NECAB1: variants seen among roughly 807,000 people sequenced by gnomAD.
NECAB1 encodes N-terminal EF-hand calcium-binding protein 1.
In NECAB1, 29 loss-of-function variants were observed where a neutral mutation model predicts 57.5. The observed-to-expected ratio is 0.50, with a 90% CI of 0.38 to 0.69. The LOEUF (loss-of-function observed/expected upper bound fraction) is 0.69, where lower values mean the gene tolerates loss of function less well. NECAB1 is among the 30% of genes least tolerant of loss of function. NECAB1 has a pLI of 0.00. For synonymous variants in NECAB1, 142 were observed against 147.7 expected, an observed-to-expected ratio of 0.96 and a Z score of 0.28; for missense variants, 372 against 413.8, an observed-to-expected ratio of 0.90 and a Z score of 0.88.
rs575665901 is a variant in NECAB1 at position 90,945,302 on chromosome 8, G to A, written c.860+4404G>A. On this transcript the variant is annotated intron_variant, in intron 10 of 12. Coordinates refer to ENST00000417640, the MANE Select transcript of NECAB1 (RefSeq NM_022351.5). ...AGGCTGGTCGCGAACCTCCGACTTC[G>A]TGATCCGCCCGCCTCAGTCTCCCAA... is the stretch of plus-strand genomic sequence containing the variant. Among the ~76,000 whole-genome samples the A allele has an allele frequency of 8.5e-5, 13 of 152,178 alleles. No individual in the cohort carries two copies. The South Asian group carries it at 1.4e-3, about 17-fold the overall frequency.
At chr8:90,947,351 C>CACAA (rs1342952213) in intron 10 of NECAB1, among the ~76,000 whole-genome samples, 2 of 125,246 alleles carry the variant, frequency 1.6e-5, no homozygotes, top group Admixed American at 8.4e-5. Context: ...CACACACACA[C>CACAA]AATAAGCCAA....
At chr8:90,940,304 T>C (rs1256642798) in intron 9 of NECAB1, 1 of 153,114 alleles carries the variant, frequency 6.5e-6, no homozygotes, top group Non-Finnish European at 1.5e-5. Context: ...TTGTTTGTAA[T>C]GATTGTCACT....
intron 10 of NECAB1, among the ~76,000 whole-genome samples, chr8:90,947,417 TTC>T: frequency 6.6e-6 from 1 of 151,072 alleles, no homozygotes; most frequent in Non-Finnish European, 1.5e-5. Context: ...TTTTTTTTTT[TTC>T]AGAAAGAATC....
chr8:90,856,643 T>G (rs191493256), intron 3 of NECAB1, among the ~76,000 whole-genome samples: 3 of 152,326 alleles, frequency 2.0e-5, no homozygotes, highest in Admixed American at 2.0e-4. Flanking sequence ...CGTGTTTTGG[T>G]CTGATCAATG....
rs1251447191 is a variant in NECAB1 at position 90,943,460 on chromosome 8, A to G, written c.860+2562A>G. ...TACACCCATATGGAATATATATGGTATAGATGTTATGCCAGTGTGTCTGTC... is the reference window on the plus strand; with the variant it reads ...TACACCCATATGGAATATATATGGTGTAGATGTTATGCCAGTGTGTCTGTC... On this transcript the variant is annotated intron_variant, in intron 10 of 12. Coordinates refer to ENST00000417640, the MANE Select transcript of NECAB1 (RefSeq NM_022351.5). 3.9e-5 allele frequency among the ~76,000 whole-genome samples: 6 copies of G among 152,334 alleles called. No homozygotes were observed. The Middle Eastern group carries it at 0.01, about 259-fold the overall frequency.
rs1002583 is a variant in NECAB1 at position 90,928,218 on chromosome 8, C to T, written c.617-5C>T. On this transcript the variant is annotated splice_polypyrimidine_tract_variant and splice_region_variant and intron_variant, in intron 7 of 12. Transcript: ENST00000417640. ...TATTGCCCTCATGATTCCCCCTGGC[C>T]CCAGGCTTATTAGAAGAAGACAACC... 578,880 of 1,594,054 alleles carry T rather than the reference C, an allele frequency of 0.36. 110,003 individuals carry two copies. The highest frequency in any genetic ancestry group is 0.63 in the East Asian group (27,805 of 44,424).
intron 3 of NECAB1, among the ~76,000 whole-genome samples, chr8:90,826,795 T>A (rs976992445): frequency 6.6e-6 from 1 of 151,848 alleles, no homozygotes; most frequent in African/African-American, 2.4e-5. Flanking sequence ...TTTATTTATA[T>A]AATTATTAAT....
chr8:90,849,366 G>T (rs1233085201), intron 3 of NECAB1, among the ~76,000 whole-genome samples: 1 of 152,074 alleles, frequency 6.6e-6, no homozygotes, highest in Non-Finnish European at 1.5e-5. Context: ...CTGCTTGGGA[G>T]GCTGAGGTGG....
chr8:90,795,183 G>A (rs1811639957), intron 1 of NECAB1, among the ~76,000 whole-genome samples: 2 of 152,226 alleles, frequency 1.3e-5, no homozygotes, highest in Admixed American at 1.3e-4. Context: ...TATGTAGCAT[G>A]TGTCTCCTCT....
chr8:90,872,015 A>T, intron 3 of NECAB1, 113 bp from the exon 4 acceptor site: 1 of 772,802 alleles, frequency 1.3e-6, no homozygotes, highest in Non-Finnish European at 2.1e-6. Flanking sequence ...CCTTAACTAC[A>T]TACCATCAAT....
intron 6 of NECAB1, among the ~76,000 whole-genome samples, chr8:90,920,971 A>G (rs1810095040): frequency 6.6e-6 from 1 of 152,220 alleles, no homozygotes; most frequent in Non-Finnish European, 1.5e-5. Flanking sequence ...GGGTTCAGAA[A>G]GATCTTAAAA....
chr8:90,954,131 T>C (rs1810972609), intron 12 of NECAB1, among the ~76,000 whole-genome samples: 2 of 151,506 alleles, frequency 1.3e-5, no homozygotes, highest in South Asian at 4.1e-4. Flanking sequence ...CACATATTTA[T>C]ACCTAAAATT....
At chr8:90,943,569 T>C (rs1810726346) in intron 10 of NECAB1, among the ~76,000 whole-genome samples, 1 of 152,198 alleles carries the variant, frequency 6.6e-6, no homozygotes, top group Non-Finnish European at 1.5e-5. Context: ...ACTGATGCCA[T>C]CAGTCATGCT....
chr8:90,800,354 G>C (rs886092306), intron 1 of NECAB1, among the ~76,000 whole-genome samples: 1 of 152,144 alleles, frequency 6.6e-6, no homozygotes, highest in Non-Finnish European at 1.5e-5. Context: ...GAATAGGAGT[G>C]GTGAGAGTGG....
At chr8:90,906,907 A>C (rs866579328) in intron 5 of NECAB1, among the ~76,000 whole-genome samples, 1 of 57,306 alleles carries the variant, frequency 1.7e-5, no homozygotes, top group East Asian at 1.3e-3. Flanking sequence ...ATATATATAT[A>C]TATCTTCTCA....
intron 3 of NECAB1, among the ~76,000 whole-genome samples, chr8:90,834,921 A>T (rs1812345336): frequency 6.7e-6 from 1 of 149,236 alleles, no homozygotes; most frequent in South Asian, 2.1e-4. Context: ...GGTCTTGTGT[A>T]TTTTTTCCAT....
intron 2 of NECAB1, among the ~76,000 whole-genome samples, chr8:90,822,390 T>G (rs1167042670): frequency 6.6e-6 from 1 of 151,944 alleles, no homozygotes; most frequent in East Asian, 1.9e-4. Context: ...TTGCAATTGC[T>G]TATTTAAAAG....
chr8:90,957,370 GT>G lies in NECAB1; in HGVS notation c.*1859del, dbSNP rs1321772501. The G allele has an allele frequency of 6.6e-6, 1 of 151,804 alleles. No individual in the cohort carries two copies. Among genetic ancestry groups the G allele is most frequent in the Non-Finnish European group, 1.5e-5 (1 of 67,858 alleles). 9.4% of individuals were successfully genotyped at this position (151,804 alleles called of 1,614,324 possible). On this transcript the variant is annotated 3_prime_UTR_variant, in exon 13 of 13. Transcript: ENST00000417640. The stretch of plus-strand genomic sequence containing the variant: ...ACTAGGCAGTTTCCAAAGTAGCATG[GT>G]AGTATTACTTGTTAAAAGGGTTCTG...
In NECAB1 at chr8:90,947,319, C is replaced by T. The variant is rs1475319901; in HGVS notation, c.861-2488C>T. Among the ~76,000 whole-genome samples, 86 of 145,904 alleles carry T rather than the reference C, an allele frequency of 5.9e-4. 3 individuals are homozygous for T. The East Asian group carries it at 0.01, about 17-fold the overall frequency. Reference sequence around the variant, plus strand: ...AACAACACATACACACACACACACACACACACACACACACACACACACACA... The same window carrying T: ...AACAACACATACACACACACACACATACACACACACACACACACACACACA... On this transcript the variant is annotated intron_variant, in intron 10 of 12. Coordinates refer to ENST00000417640, the MANE Select transcript of NECAB1 (RefSeq NM_022351.5).
Sources: gnomAD v4.1 joint callset for allele counts (sites outside exome capture counted in the v4.1 genomes callset) on GRCh38, gnomAD v4.1.1 for gene constraint, MANE v1.5 for transcripts, NCBI Gene and HGNC (gene_info 2026-07-23, HGNC 2026-07-21) for gene names.